The following SEMA6D variants were observed in gnomAD, a reference collection of about 807,000 sequenced individuals.
SEMA6D encodes the protein semaphorin 6D, also known as semaphorin-6D.
Under a neutral mutation model 106.6 loss-of-function variants are expected in SEMA6D, and 35 were observed. The ratio of observed to expected loss-of-function variants is 0.33; its 90% CI spans 0.25 to 0.44. The LOEUF is 0.44. Ranked by LOEUF, SEMA6D falls within the 20% of genes least tolerant of loss-of-function variation. The pLI is 1.00. For missense variants in SEMA6D, 1,185 were observed against 1,345.9 expected (o/e 0.88, Z 1.87); for synonymous variants, 499 against 487.7 (o/e 1.02, Z -0.31).
At chr15:47,487,013 C>T (rs1439995394) in intron 3 of SEMA6D, among the ~76,000 whole-genome samples, 4 of 152,072 alleles carry the variant, frequency 2.6e-5, no homozygotes, top group Admixed American at 6.6e-5. Flanking sequence ...TCGTCTTTGC[C>T]CTCAAGTCTA....
At chr15:47,728,662 G>C (rs1420569488) in intron 1 of SEMA6D, among the ~76,000 whole-genome samples, 5 of 152,214 alleles carry the variant, frequency 3.3e-5, no homozygotes, top group Non-Finnish European at 1.5e-5. Context: ...CTGGAGGTCA[G>C]AAGTCTGAAA....
chr15:47,502,622 G>A (rs1165776695), intron 3 of SEMA6D, among the ~76,000 whole-genome samples: 1 of 152,220 alleles, frequency 6.6e-6, no homozygotes, highest in South Asian at 2.1e-4. Flanking sequence ...ACAAGGGCAT[G>A]TCATATCATC....
At chr15:47,494,778 AT>A (rs1299996270) in intron 3 of SEMA6D, among the ~76,000 whole-genome samples, 9 of 97,254 alleles carry the variant, frequency 9.3e-5, no homozygotes, top group African/African-American at 4.0e-4. Flanking sequence ...ATATATATAT[AT>A]ATATATATAT....
At chr15:47,544,627 G>GGATA (rs1040885534) in intron 3 of SEMA6D, among the ~76,000 whole-genome samples, 1 of 151,950 alleles carries the variant, frequency 6.6e-6, no homozygotes, top group African/African-American at 2.4e-5. Context: ...ATGGAACTCA[G>GGATA]GATAGATAAA....
intron 1 of SEMA6D, among the ~76,000 whole-genome samples, chr15:47,736,991 G>A (rs1474407919): frequency 6.6e-6 from 1 of 152,070 alleles, no homozygotes; most frequent in Non-Finnish European, 1.5e-5. Flanking sequence ...TCAGATTAAA[G>A]TTCACTCTAA....
At chr15:47,683,470 A>C (rs561595492) in intron 4 of SEMA6D, among the ~76,000 whole-genome samples, 8 of 152,332 alleles carry the variant, frequency 5.3e-5, no homozygotes, top group Middle Eastern at 6.8e-3. Context: ...TGGAGATAGA[A>C]AAGCTAGTAG....
intron 1 of SEMA6D, among the ~76,000 whole-genome samples, chr15:47,301,758 G>A (rs2036030379): frequency 6.6e-6 from 1 of 152,316 alleles, no homozygotes; most frequent in Non-Finnish European, 1.5e-5. Context: ...TGACCATAGG[G>A]CAATTCTCTT....
intron 4 of SEMA6D, among the ~76,000 whole-genome samples, chr15:47,664,991 G>T (rs888194959): frequency 6.6e-6 from 1 of 152,010 alleles, no homozygotes. Flanking sequence ...TAATGGAGGT[G>T]GGGGGGCGTG....
At chr15:47,397,805 G>A (rs1240532408) in intron 1 of SEMA6D, 2 of 152,108 alleles carry the variant, frequency 1.3e-5, no homozygotes, top group Non-Finnish European at 1.5e-5. Flanking sequence ...ATTTCCAGGA[G>A]CTTCATAAGC....
In SEMA6D at chr15:47,759,918, T is replaced by C. The variant is rs750790224; in HGVS notation, c.109+11T>C. The C allele has an allele frequency of 6.5e-7, 1 of 1,548,948 alleles. No individual in the cohort carries two copies. Among genetic ancestry groups the C allele is most frequent in the Admixed American group, 1.7e-5 (1 of 59,922 alleles). On this transcript the variant is annotated intron_variant, in intron 2 of 18. Coordinates refer to ENST00000536845, the MANE Select transcript of SEMA6D (RefSeq NM_001358351.3). ...CTGTCGACTATCACTGTAAGTCGTC[T>C]CAAGAACAGTCTTCTATTCTGAGAA...
intron 4 of SEMA6D, among the ~76,000 whole-genome samples, chr15:47,708,171 T>C (rs1369458354): frequency 1.3e-5 from 2 of 152,180 alleles, no homozygotes; most frequent in Non-Finnish European, 2.9e-5. Flanking sequence ...TACAATCATC[T>C]TTTCCTAAAA....
At chr15:47,654,598 T>C (rs916606187) in intron 4 of SEMA6D, among the ~76,000 whole-genome samples, 10 of 152,298 alleles carry the variant, frequency 6.6e-5, no homozygotes, top group African/African-American at 2.4e-4. Context: ...TGGGAGGTGA[T>C]TGGATCATGA....
At chr15:47,599,819 G>A (rs2076610690) in intron 3 of SEMA6D, among the ~76,000 whole-genome samples, 1 of 151,876 alleles carries the variant, frequency 6.6e-6, no homozygotes, top group South Asian at 2.1e-4. Context: ...AATCAATTTT[G>A]CCCATTAAGA....
intron 1 of SEMA6D, among the ~76,000 whole-genome samples, chr15:47,390,726 TTAG>T (rs565364714): frequency 8.5e-4 from 130 of 152,346 alleles, no homozygotes; most frequent in Middle Eastern, 6.8e-3. Flanking sequence ...TGTGAAGACA[TTAG>T]TAGGTGATAA....
At chr15:47,211,814 T>C (rs1262202985) in intron 1 of SEMA6D, among the ~76,000 whole-genome samples, 1 of 151,536 alleles carries the variant, frequency 6.6e-6, no homozygotes, top group African/African-American at 2.4e-5. Context: ...GTGCCAAGGA[T>C]TGGGTTAGAT....
chr15:47,382,860 C>T (rs567548846), intron 1 of SEMA6D, among the ~76,000 whole-genome samples: 73 of 152,282 alleles, frequency 4.8e-4, no homozygotes, highest in Admixed American at 3.1e-3. Context: ...CTCCGGCTCC[C>T]GGGCTCAAGC....
chr15:47,364,513 ATTAT>A (rs2038937755), intron 1 of SEMA6D, among the ~76,000 whole-genome samples: 1 of 152,194 alleles, frequency 6.6e-6, no homozygotes, highest in South Asian at 2.1e-4. Context: ...CATAATTACC[ATTAT>A]TTATAGCTGT....
intron 1 of SEMA6D, among the ~76,000 whole-genome samples, chr15:47,749,080 CT>C (rs71118197): frequency 0.68 from 69,875 of 102,266 alleles, 22,070 homozygotes; most frequent in East Asian, 0.94. Flanking sequence ...CTTTTTTTTT[CT>C]TTTTTTTTTT....
chr15:47,293,404 G>T (rs1164615236), intron 1 of SEMA6D, among the ~76,000 whole-genome samples: 1 of 152,186 alleles, frequency 6.6e-6, no homozygotes, highest in Non-Finnish European at 1.5e-5. Flanking sequence ...ATTGTGCGTT[G>T]TTGCATTTTT....
Sources: allele counts gnomAD v4.1 joint callset (sites outside exome capture counted in the v4.1 genomes callset), GRCh38; gene constraint gnomAD v4.1.1; transcripts MANE v1.5; gene names NCBI Gene and HGNC (gene_info 2026-07-23, HGNC 2026-07-21).